TCF7: variants seen among roughly 807,000 people sequenced by gnomAD.
TCF7 encodes the protein T-cell-factor-7.
In TCF7, 19 loss-of-function variants were observed where a neutral mutation model predicts 46.8. The ratio of observed to expected loss-of-function variants is 0.41; its 90% CI spans 0.28 to 0.60. The LOEUF (loss-of-function observed/expected upper bound fraction) is 0.60, where lower values mean the gene tolerates loss of function less well. TCF7 is among the 20% of genes least tolerant of loss of function. The pLI, the probability that TCF7 is intolerant of heterozygous loss-of-function variation, is 0.35. For synonymous variants in TCF7, 245 were observed against 213.4 expected, an observed-to-expected ratio of 1.15 and a Z score of -1.29; for missense variants, 547 against 504.6, an observed-to-expected ratio of 1.08 and a Z score of -0.81.
In TCF7 at chr5:134,115,997, G is replaced by T. The variant is rs760014270; in HGVS notation, c.405G>T (p.Ser135=). 15 of 1,613,426 alleles carry T rather than the reference G, an allele frequency of 9.3e-6. No homozygotes were observed. The highest frequency in any genetic ancestry group is 1.3e-5 in the African/African-American group (1 of 74,920). Residue 135 remains serine (S), a synonymous_variant, in exon 3 of 10, where the codon TCG becomes TCT. Coordinates refer to ENST00000342854, the MANE Select transcript of TCF7 (RefSeq NM_003202.5). ...TGCTCATGCATTACCCACCCCCCTC[G>T]GGAGCAGGGCAGCACCCCCAGCCGC... ...FNLLMHYPPP[S]GAGQHPQPQP... is the part of the protein sequence containing the mutation.
intron 3 of TCF7, among the ~76,000 whole-genome samples, chr5:134,137,544 C>A (rs1267748582): frequency 1.3e-5 from 2 of 152,212 alleles, no homozygotes; most frequent in African/African-American, 4.8e-5. Context: ...GGCCCCATCT[C>A]CCCTGATTTA....
Position 134,115,032 on chromosome 5 carries a change from C to T in TCF7, c.126C>T (p.Ala42=). 2.4e-6 allele frequency: 3 copies of T among 1,249,320 alleles called. No homozygotes were observed. Among genetic ancestry groups the T allele is most frequent in the African/African-American group, 1.6e-5 (1 of 62,624 alleles). 77.4% of individuals were successfully genotyped at this position (1,249,320 alleles called of 1,614,324 possible). Residue 42 remains alanine (A), a synonymous_variant, in exon 1 of 10, where the codon GCC becomes GCT. Transcript: ENST00000342854. Reference sequence around the variant, plus strand: ...ACGACAAGAGCCGCGACAGCGCCGCCGGTCCCGAGCGCGACCTGGCCGAGC... The same window carrying T: ...ACGACAAGAGCCGCGACAGCGCCGCTGGTCCCGAGCGCGACCTGGCCGAGC... ...EQDDKSRDSA[A]GPERDLAELK... is the part of the protein sequence containing the mutation.
chr5:134,145,603 C>T, intron 9 of TCF7: 3 of 858,384 alleles, frequency 3.5e-6, no homozygotes, highest in Non-Finnish European at 5.5e-6. Context: ...AACACTTGTC[C>T]AGCCTCTCAG....
chr5:134,118,053 G>C (rs1756068574), intron 3 of TCF7, among the ~76,000 whole-genome samples: 1 of 152,246 alleles, frequency 6.6e-6, no homozygotes, highest in Non-Finnish European at 1.5e-5. Flanking sequence ...CACATAGCAA[G>C]TCAGAGCATT....
At chr5:134,137,046 C>T (rs951891583) in intron 3 of TCF7, among the ~76,000 whole-genome samples, 5 of 152,240 alleles carry the variant, frequency 3.3e-5, no homozygotes, top group African/African-American at 1.2e-4. Flanking sequence ...CTGGCAGTGA[C>T]TCCCTGCAGC....
intron 3 of TCF7, among the ~76,000 whole-genome samples, chr5:134,129,474 C>T (rs1483780628): frequency 2.0e-5 from 3 of 152,214 alleles, no homozygotes; most frequent in Non-Finnish European, 4.4e-5. Context: ...GAATAACTGC[C>T]TGGGCTGGGG....
chr5:134,136,958 C>T (rs1161374241), intron 3 of TCF7, among the ~76,000 whole-genome samples: 1 of 152,200 alleles, frequency 6.6e-6, no homozygotes, highest in Non-Finnish European at 1.5e-5. Flanking sequence ...GAAGTTGAAC[C>T]TTGGTTGCAG....
At chr5:134,115,815 C>T in intron 2 of TCF7, 94 bp from the exon 3 acceptor site, 1 of 1,579,698 alleles carries the variant, frequency 6.3e-7, no homozygotes, top group Admixed American at 1.8e-5. Context: ...TTGCAGGGGA[C>T]CCCTTGGCAA....
chr5:134,111,709 G>C (rs868595745), upstream of TCF7, among the ~76,000 whole-genome samples: 1 of 152,026 alleles, frequency 6.6e-6, no homozygotes, highest in African/African-American at 2.4e-5. Flanking sequence ...CCATATTAGT[G>C]ACAGCTTATT....
chr5:134,109,070 C>T, the TCF7 span, among the ~76,000 whole-genome samples: 12 of 152,174 alleles, frequency 7.9e-5, no homozygotes, highest in Admixed American at 2.0e-4. Context: ...AGTTGCCTGA[C>T]GGCAGGTACG....
chr5:134,119,982 G>A (rs1362878355), intron 3 of TCF7, among the ~76,000 whole-genome samples: 3 of 152,192 alleles, frequency 2.0e-5, no homozygotes, highest in Admixed American at 6.5e-5. Context: ...GCTCTACCCC[G>A]GGAGTGCCCA....
At chr5:134,138,022 C>A in intron 3 of TCF7, 37 bp from the exon 4 acceptor site, 1 of 1,508,718 alleles carries the variant, frequency 6.6e-7, no homozygotes, top group Non-Finnish European at 9.1e-7. Flanking sequence ...TCCCTCAGGA[C>A]TCGCCACACT....
chr5:134,147,623 C>G lies in TCF7; in HGVS notation c.*1320C>G, dbSNP rs767875872. 6.6e-6 allele frequency: 1 copy of G among 152,608 alleles called. No homozygotes were observed. Among genetic ancestry groups the G allele is most frequent in the African/African-American group, 2.4e-5 (1 of 41,430 alleles). The allele number at this position is 152,608 out of a possible 1,614,324, so 9.5% of individuals were successfully genotyped here. ...CCCATTTTTGAGCCAAGCTTCAACC[C>G]TCAGCCTTGAAAAACAAGTCTTTAA... On this transcript the variant is annotated 3_prime_UTR_variant, in exon 10 of 10. Transcript: ENST00000342854.
intron 3 of TCF7, among the ~76,000 whole-genome samples, chr5:134,124,441 T>A (rs1757056539): frequency 6.6e-6 from 1 of 152,002 alleles, no homozygotes. Context: ...CCCCAGGGAG[T>A]AGAGGGTCTC....
intron 2 of TCF7, 181 bp from the exon 3 acceptor site, chr5:134,115,728 A>G: frequency 7.0e-7 from 1 of 1,434,120 alleles, no homozygotes; most frequent in Non-Finnish European, 9.1e-7. Context: ...CACCTCGGGG[A>G]GGCCTGCCCT....
Position 134,114,684 on chromosome 5 carries a change from C to G in TCF7, c.-223C>G. On this transcript the variant is annotated 5_prime_UTR_variant, in exon 1 of 10. Transcript: ENST00000342854. Reference sequence around the variant, plus strand: ...CAGTGCCCGCCCCGCCCCCGGCACTCGGCCGGCGGCGCCTTTGATGTTCCG... The same window carrying G: ...CAGTGCCCGCCCCGCCCCCGGCACTGGGCCGGCGGCGCCTTTGATGTTCCG... 1 of 186,350 alleles carries G rather than the reference C, an allele frequency of 5.4e-6. No homozygotes were observed. The allele number at this position is 186,350 out of a possible 1,614,324, so 11.5% of individuals were successfully genotyped here.
chr5:134,126,458 C>T (rs139813189), intron 3 of TCF7, among the ~76,000 whole-genome samples: 486 of 152,366 alleles, frequency 3.2e-3, no homozygotes, highest in African/African-American at 0.011. Flanking sequence ...CATTTCACCA[C>T]TGGGTTCTCA....
intron 3 of TCF7, among the ~76,000 whole-genome samples, chr5:134,125,375 C>G (rs1461182182): frequency 6.6e-6 from 1 of 152,250 alleles, no homozygotes; most frequent in Non-Finnish European, 1.5e-5. Flanking sequence ...CTGACCTCTG[C>G]ACGCACACCC....
At chr5:134,112,091 G>T (rs941729074), upstream of TCF7, among the ~76,000 whole-genome samples, 6 of 152,130 alleles carry the variant, frequency 3.9e-5, no homozygotes, top group African/African-American at 1.4e-4. Flanking sequence ...ACTCCTGTGG[G>T]GCCGCACCAA....
Sources: gnomAD v4.1 joint callset for allele counts (sites outside exome capture counted in the v4.1 genomes callset) on GRCh38, gnomAD v4.1.1 for gene constraint, MANE v1.5 for transcripts, NCBI Gene and HGNC (gene_info 2026-07-23, HGNC 2026-07-21) for gene names.